The following CRY2 variants were observed in gnomAD, a reference collection of about 807,000 sequenced individuals.
CRY2 encodes cryptochrome-2.
In CRY2, 31 loss-of-function variants were observed where a neutral mutation model predicts 69.5. The observed-to-expected ratio is 0.45, with a 90% CI of 0.34 to 0.60. The LOEUF is 0.60. Among genes scored for constraint, CRY2 ranks in the 20% least tolerant of loss-of-function variants. CRY2 has a pLI of 0.02. For missense variants in CRY2, 606 were observed against 797.8 expected, an observed-to-expected ratio of 0.76 and a Z score of 2.90; for synonymous variants, 303 against 312.2, an observed-to-expected ratio of 0.97 and a Z score of 0.31.
intron 5 of CRY2, chr11:45,867,338 T>G: frequency 2.4e-6 from 1 of 411,090 alleles, no homozygotes. Context: ...AGATTGGAAA[T>G]TTTGTTCTTA....
intron 1 of CRY2, 137 bp from the exon 2 acceptor site, chr11:45,855,845 C>G (rs545266175): frequency 1.8e-5 from 14 of 772,512 alleles, no homozygotes; most frequent in Non-Finnish European, 1.6e-5. Context: ...TGGGCTGGAA[C>G]CCAGGCCTCT....
intron 5 of CRY2, among the ~76,000 whole-genome samples, chr11:45,865,707 C>T (rs1309174717): frequency 6.6e-6 from 1 of 151,442 alleles, no homozygotes; most frequent in African/African-American, 2.4e-5. Context: ...TACAGTGAGC[C>T]GAGATCACAC....
At chr11:45,854,937 A>C (rs1229445585) in intron 1 of CRY2, among the ~76,000 whole-genome samples, 2 of 152,250 alleles carry the variant, frequency 1.3e-5, no homozygotes, top group African/African-American at 4.8e-5. Flanking sequence ...TCCCATTGAT[A>C]ACCTTGGTTG....
At position 45,882,981 on chromosome 11, in the gene CRY2, C is replaced by T. The variant is rs773759102; in HGVS notation, c.*2070C>T. The T allele has an allele frequency of 5.6e-6, 2 of 355,216 alleles. No individual in the cohort carries two copies. Among genetic ancestry groups the T allele is most frequent in the Non-Finnish European group, 1.0e-5 (2 of 198,822 alleles). The allele number at this position is 355,216 out of a possible 1,614,324, so 22.0% of individuals were successfully genotyped here. On this transcript the variant is annotated 3_prime_UTR_variant, in exon 12 of 12. Coordinates refer to ENST00000616080, the MANE Select transcript of CRY2 (RefSeq NM_021117.5). ...GAGTCAGGCAGTGCACTCCTGGAGC[C>T]AAGAGGGAAGGGCAGGGTAGAGAGG...
At chr11:45,863,200 A>G (rs958270969) in intron 5 of CRY2, among the ~76,000 whole-genome samples, 1 of 152,240 alleles carries the variant, frequency 6.6e-6, no homozygotes, top group African/African-American at 2.4e-5. Flanking sequence ...CCACATCAAA[A>G]GGTTCACCTA....
At chr11:45,872,586 CATA>C (rs542258455) in intron 11 of CRY2, among the ~76,000 whole-genome samples, 4 of 151,420 alleles carry the variant, frequency 2.6e-5, no homozygotes, top group Non-Finnish European at 4.4e-5. Context: ...TCTCTAAAAA[CATA>C]ATAATAATAA....
At chr11:45,874,194 C>T (rs2086408320) in intron 11 of CRY2, among the ~76,000 whole-genome samples, 1 of 151,904 alleles carries the variant, frequency 6.6e-6, no homozygotes, top group Non-Finnish European at 1.5e-5. Flanking sequence ...GCAAGAGAAT[C>T]ACTTGAACCC....
Position 45,870,981 on chromosome 11 carries a change from A to C in CRY2, c.1642+47A>C. The C allele has an allele frequency of 2.7e-6, 4 of 1,497,570 alleles. No homozygotes were observed. The South Asian group carries it at 4.6e-5, about 17-fold the overall frequency. The allele number at this position is 1,497,570 out of a possible 1,614,324, so 92.8% of individuals were successfully genotyped here. A position where few individuals can be genotyped will look rare whatever the true frequency, so the allele number is the denominator to read the frequency against. On this transcript the variant is annotated intron_variant, in intron 10 of 11. Coordinates refer to ENST00000616080, the MANE Select transcript of CRY2 (RefSeq NM_021117.5). ...CCTGTGGCCTCCTGTGGCCTGTGCC[A>C]CCACTTCAGTCATTCAGGACTGAGG...
At chr11:45,847,984 G>A (rs2086165784) in intron 1 of CRY2, among the ~76,000 whole-genome samples, 1 of 152,212 alleles carries the variant, frequency 6.6e-6, no homozygotes, top group African/African-American at 2.4e-5. Flanking sequence ...GAGCCCTGGA[G>A]ACCCAAAGTC....
At chr11:45,866,724 G>A (rs562703228) in intron 5 of CRY2, among the ~76,000 whole-genome samples, 9 of 152,328 alleles carry the variant, frequency 5.9e-5, no homozygotes, top group African/African-American at 2.2e-4. Flanking sequence ...TACTCAGGAG[G>A]CTGAAGAGAG....
At chr11:45,863,444 G>A (rs1032622037) in intron 5 of CRY2, among the ~76,000 whole-genome samples, 7 of 151,898 alleles carry the variant, frequency 4.6e-5, no homozygotes, top group African/African-American at 1.2e-4. Context: ...GGGCCCTTAC[G>A]CCATGGACAT....
At chr11:45,864,886 A>T (rs1414842249) in intron 5 of CRY2, among the ~76,000 whole-genome samples, 1 of 151,938 alleles carries the variant, frequency 6.6e-6, no homozygotes, top group Non-Finnish European at 1.5e-5. Flanking sequence ...AAGAAAACTG[A>T]GTAGCTGGGA....
Position 45,870,325 on chromosome 11 carries a change from T to C in CRY2, c.1347-5T>C. 2 of 1,614,184 alleles carry C rather than the reference T, an allele frequency of 1.2e-6. No individual in the cohort carries two copies. Among genetic ancestry groups the C allele is most frequent in the Non-Finnish European group, 1.7e-6 (2 of 1,180,032 alleles). On this transcript the variant is annotated splice_region_variant and splice_polypyrimidine_tract_variant and intron_variant, in intron 8 of 11. Coordinates refer to ENST00000616080, the MANE Select transcript of CRY2 (RefSeq NM_021117.5). ...TGATGGGTCATCTGGTGTATCTTAT[T>C]TCAGGCGATACCTGCCCAAATTGAA...
chr11:45,865,156 CTG>C (rs941695380), intron 5 of CRY2, among the ~76,000 whole-genome samples: 2 of 151,062 alleles, frequency 1.3e-5, no homozygotes, highest in African/African-American at 4.9e-5. Context: ...CAAAGAATAA[CTG>C]TGAAAAGATA....
intron 5 of CRY2, among the ~76,000 whole-genome samples, chr11:45,862,901 T>A (rs1335516739): frequency 6.6e-6 from 1 of 152,224 alleles, no homozygotes; most frequent in Admixed American, 6.5e-5. Context: ...AGTTCTCATG[T>A]CCGAGAACAG....
chr11:45,869,400 C>A, intron 6 of CRY2, 106 bp from the exon 7 acceptor site: 1 of 1,208,438 alleles, frequency 8.3e-7, no homozygotes, highest in Non-Finnish European at 1.2e-6. Context: ...GCAGCTGAGC[C>A]ACTAGGTCTT....
intron 1 of CRY2, among the ~76,000 whole-genome samples, chr11:45,855,329 G>A (rs532808459): frequency 8.5e-5 from 13 of 152,310 alleles, no homozygotes; most frequent in Non-Finnish European, 1.6e-4. Flanking sequence ...GTGAGGCTGT[G>A]GCAGCAGAAA....
Position 45,870,906 on chromosome 11 carries a change from G to A in CRY2, c.1614G>A (p.Ser538=), listed in dbSNP as rs762918175. ...DLSHPVAEPS[S]SQAGSMSSAG... Reference sequence around the variant, plus strand: ...GTCACCCTGTGGCAGAGCCCAGCTCGAGCCAGGCTGGCAGCATGAGCAGTG... The same window carrying A: ...GTCACCCTGTGGCAGAGCCCAGCTCAAGCCAGGCTGGCAGCATGAGCAGTG... Residue 538 remains serine (S), a synonymous_variant, in exon 10 of 12, where the codon TCG becomes TCA. Transcript: ENST00000616080. 1.7e-5 allele frequency: 28 copies of A among 1,612,264 alleles called. No individual in the cohort carries two copies. Among genetic ancestry groups the A allele is most frequent in the East Asian group, 8.9e-5 (4 of 44,892 alleles).
At chr11:45,850,041 A>G (rs1389887207) in intron 1 of CRY2, among the ~76,000 whole-genome samples, 1 of 150,140 alleles carries the variant, frequency 6.7e-6, no homozygotes, top group Non-Finnish European at 1.5e-5. Context: ...GGTCCTGCTC[A>G]AGTGACAACC....
Sources: allele counts gnomAD v4.1 joint callset (sites outside exome capture counted in the v4.1 genomes callset), GRCh38; gene constraint gnomAD v4.1.1; transcripts MANE v1.5; gene names NCBI Gene and HGNC (gene_info 2026-07-23, HGNC 2026-07-21).